The following ROBO2 variants were observed in gnomAD, a reference collection of about 807,000 sequenced individuals.
ROBO2 encodes the protein roundabout homolog 2.
In ROBO2, 53 loss-of-function variants were observed where a neutral mutation model predicts 160.8. That is an observed-to-expected ratio of 0.33 (90% CI 0.26 to 0.41). The LOEUF (loss-of-function observed/expected upper bound fraction) is 0.41. Among genes scored for constraint, ROBO2 ranks in the 10% least tolerant of loss-of-function variants. The probability of loss-of-function intolerance (pLI) is 1.00; values close to 1 mark genes in which losing one functional copy is unlikely to be tolerated. For synonymous variants in ROBO2, 664 were observed against 611.7 expected (o/e 1.09, Z -1.26); for missense variants, 1,577 against 1,722.4 (o/e 0.92, Z 1.49).
At chr3:77,056,426 G>A (rs1054643813) in intron 1 of ROBO2, among the ~76,000 whole-genome samples, 2 of 152,106 alleles carry the variant, frequency 1.3e-5, no homozygotes, top group African/African-American at 4.8e-5. Context: ...GAAAGATCTT[G>A]CTTATTATTA....
intron 2 of ROBO2, among the ~76,000 whole-genome samples, chr3:76,401,336 G>A (rs1016272457): frequency 6.6e-6 from 1 of 151,492 alleles, no homozygotes; most frequent in Non-Finnish European, 1.5e-5. Context: ...ATTTGAAGAT[G>A]CTAGACCCTG....
intron 2 of ROBO2, among the ~76,000 whole-genome samples, chr3:76,502,354 G>C (rs912775889): frequency 6.6e-6 from 1 of 152,122 alleles, no homozygotes; most frequent in African/African-American, 2.4e-5. Context: ...GAACAAATTT[G>C]TGGCAATATG....
At chr3:75,976,675 C>T (rs907579576) in intron 2 of ROBO2, among the ~76,000 whole-genome samples, 2 of 151,300 alleles carry the variant, frequency 1.3e-5, no homozygotes, top group African/African-American at 4.9e-5. Context: ...TGGGTATTTT[C>T]AATAATTCAT....
At chr3:77,177,463 C>T (rs1159360492) in intron 2 of ROBO2, among the ~76,000 whole-genome samples, 1 of 151,990 alleles carries the variant, frequency 6.6e-6, no homozygotes, top group Non-Finnish European at 1.5e-5. Flanking sequence ...GTACTGTTTG[C>T]ATACAATCTT....
intron 2 of ROBO2, among the ~76,000 whole-genome samples, chr3:77,300,752 G>A (rs889945428): frequency 1.3e-5 from 2 of 151,984 alleles, no homozygotes; most frequent in Non-Finnish European, 1.5e-5. Flanking sequence ...GATAATGAAT[G>A]TCTCTAGAAT....
chr3:76,154,397 A>G (rs1344309666), intron 2 of ROBO2, among the ~76,000 whole-genome samples: 1 of 152,140 alleles, frequency 6.6e-6, no homozygotes, highest in Non-Finnish European at 1.5e-5. Flanking sequence ...TGATTACACT[A>G]CCTTGGAAAG....
intron 2 of ROBO2, among the ~76,000 whole-genome samples, chr3:77,355,651 T>A (rs192122759): frequency 0.011 from 1,665 of 152,240 alleles, 17 homozygotes; most frequent in Middle Eastern, 0.017. Context: ...TCAAAACATT[T>A]AATACTAAAA....
At chr3:76,638,453 T>C (rs902337686) in intron 2 of ROBO2, among the ~76,000 whole-genome samples, 2 of 152,198 alleles carry the variant, frequency 1.3e-5, no homozygotes, top group African/African-American at 2.4e-5. Context: ...AATTAGGCTT[T>C]TTTTAAAATT....
intron 2 of ROBO2, among the ~76,000 whole-genome samples, chr3:77,472,197 C>G (rs7646911): frequency 0.38 from 57,483 of 151,898 alleles, 10,867 homozygotes; most frequent in Admixed American, 0.46. Context: ...TTGTAACATT[C>G]TGTTCATCGA....
chr3:77,361,912 A>T (rs756282719), intron 2 of ROBO2, among the ~76,000 whole-genome samples: 15 of 152,180 alleles, frequency 9.9e-5, no homozygotes, highest in Admixed American at 2.0e-4. Context: ...TTCATTTTAC[A>T]AATGTTCACC....
At chr3:77,253,751 G>C (rs1048844054) in intron 2 of ROBO2, among the ~76,000 whole-genome samples, 8 of 152,240 alleles carry the variant, frequency 5.3e-5, no homozygotes, top group East Asian at 1.9e-4. Context: ...CCATAAAAAG[G>C]CTGCAGTTTT....
chr3:77,644,693 T>A lies in ROBO2; in HGVS notation c.3935-11T>A. ...GTTCAATTTAGCCTTTGGGTTTTTT[T>A]TCTTTTTCAGAGGAGGCCTTGGTGC... On this transcript the variant is annotated splice_polypyrimidine_tract_variant and intron_variant, in intron 24 of 25. Coordinates refer to ENST00000461745, the Ensembl canonical transcript of ROBO2. The A allele has an allele frequency of 6.2e-7, 1 of 1,613,894 alleles. No individual in the cohort carries two copies. The highest frequency in any genetic ancestry group is 8.5e-7 in the Non-Finnish European group (1 of 1,179,936).
At chr3:77,300,056 A>G (rs1045178385) in intron 2 of ROBO2, among the ~76,000 whole-genome samples, 5 of 152,122 alleles carry the variant, frequency 3.3e-5, no homozygotes, top group Admixed American at 2.6e-4. Flanking sequence ...CATATTATAT[A>G]TTGTATATGT....
At chr3:76,892,207 G>A (rs1052539268) in intron 2 of ROBO2, among the ~76,000 whole-genome samples, 8 of 152,062 alleles carry the variant, frequency 5.3e-5, no homozygotes, top group Non-Finnish European at 8.8e-5. Flanking sequence ...CCGTCTCCCC[G>A]TGGCTGTATG....
intron 2 of ROBO2, among the ~76,000 whole-genome samples, chr3:76,954,355 A>G (rs2079124200): frequency 1.3e-5 from 2 of 152,170 alleles, no homozygotes; most frequent in South Asian, 4.1e-4. Context: ...CTCACATGCA[A>G]CTACACTTTG....
chr3:76,398,055 G>A (rs977873756), intron 2 of ROBO2, among the ~76,000 whole-genome samples: 1 of 152,076 alleles, frequency 6.6e-6, no homozygotes, highest in Non-Finnish European at 1.5e-5. Context: ...ATTCACAATA[G>A]CAAAGACTTG....
intron 2 of ROBO2, among the ~76,000 whole-genome samples, chr3:76,217,975 G>A (rs1376513814): frequency 6.6e-6 from 1 of 152,044 alleles, no homozygotes; most frequent in African/African-American, 2.4e-5. Flanking sequence ...TGATCAAGTG[G>A]GCTTCATCCT....
intron 2 of ROBO2, among the ~76,000 whole-genome samples, chr3:76,673,554 T>C (rs2092325871): frequency 6.6e-6 from 1 of 152,178 alleles, no homozygotes; most frequent in South Asian, 2.1e-4. Flanking sequence ...GAAAACAATG[T>C]CATTCATAGT....
At chr3:76,315,260 C>T (rs953664687) in intron 2 of ROBO2, among the ~76,000 whole-genome samples, 24 of 152,100 alleles carry the variant, frequency 1.6e-4, no homozygotes, top group Admixed American at 7.9e-4. Context: ...CTATTGGCAA[C>T]GAAGTATGAA....
Sources: allele counts gnomAD v4.1 joint callset (sites outside exome capture counted in the v4.1 genomes callset), GRCh38; gene constraint gnomAD v4.1.1; transcripts MANE v1.5; gene names NCBI Gene and HGNC (gene_info 2026-07-23, HGNC 2026-07-21).